The following PDGFD variants were observed in gnomAD, a reference collection of about 807,000 sequenced individuals.
The protein encoded by PDGFD is platelet-derived growth factor D.
PDGFD carries 30 observed loss-of-function variants against 44.7 expected under a neutral mutation model. The observed-to-expected ratio is 0.67, with a 90% CI of 0.50 to 0.91. PDGFD has a LOEUF of 0.91. Ranked by LOEUF, PDGFD falls within the 40% of genes least tolerant of loss-of-function variation. The pLI is 0.00. For synonymous variants in PDGFD, 173 were observed against 168.4 expected (o/e 1.03, Z -0.21); for missense variants, 445 against 457.8 (o/e 0.97, Z 0.25).
At chr11:103,926,807 G>C (rs1176516204) in intron 6 of PDGFD, 105 bp downstream of exon 6, 69 of 1,177,160 alleles carry the variant, frequency 5.9e-5, no homozygotes, top group Non-Finnish European at 7.2e-5. Context: ...AACCCTGGCT[G>C]GGTGCCCTTG....
At chr11:104,152,391 TATC>T (rs1374259395) in intron 1 of PDGFD, among the ~76,000 whole-genome samples, 1 of 152,166 alleles carries the variant, frequency 6.6e-6, no homozygotes, top group African/African-American at 2.4e-5. Context: ...ATTCTTATTT[TATC>T]ATCAGTAAAA....
chr11:104,089,898 T>A (rs1318320430), intron 1 of PDGFD, among the ~76,000 whole-genome samples: 1 of 152,182 alleles, frequency 6.6e-6, no homozygotes, highest in Non-Finnish European at 1.5e-5. Context: ...ATTCTATTGG[T>A]TGACCATTGC....
intron 3 of PDGFD, among the ~76,000 whole-genome samples, chr11:103,963,448 T>G (rs1858969018): frequency 6.6e-6 from 1 of 152,078 alleles, no homozygotes. Flanking sequence ...TCTTCTCGAG[T>G]TTTTTTCCCT....
intron 3 of PDGFD, among the ~76,000 whole-genome samples, chr11:103,994,955 C>T (rs1390837464): frequency 1.3e-5 from 2 of 150,864 alleles, no homozygotes; most frequent in Non-Finnish European, 2.9e-5. Flanking sequence ...TCATGGTTCA[C>T]TGTAGCTTCA....
intron 4 of PDGFD, among the ~76,000 whole-genome samples, chr11:103,947,018 T>C (rs1425455574): frequency 6.6e-6 from 1 of 152,240 alleles, no homozygotes; most frequent in Non-Finnish European, 1.5e-5. Flanking sequence ...TATTATCTTG[T>C]ATTTTATTGC....
At chr11:103,952,506 T>C (rs1225706215) in intron 3 of PDGFD, among the ~76,000 whole-genome samples, 1 of 152,190 alleles carries the variant, frequency 6.6e-6, no homozygotes, top group African/African-American at 2.4e-5. Context: ...GTAGGGAATC[T>C]AGCACTGTGA....
chr11:104,146,643 C>A (rs939219553), intron 1 of PDGFD, among the ~76,000 whole-genome samples: 2 of 152,124 alleles, frequency 1.3e-5, no homozygotes, highest in Non-Finnish European at 1.5e-5. Flanking sequence ...AGGGGCCAAT[C>A]AAGGGGATGG....
chr11:103,937,348 T>G (rs912836686), intron 5 of PDGFD, among the ~76,000 whole-genome samples: 2 of 152,178 alleles, frequency 1.3e-5, no homozygotes, highest in Non-Finnish European at 1.5e-5. Context: ...ACTATCATTC[T>G]AGAAAGTCAA....
At chr11:103,953,683 C>A (rs1858792998) in intron 3 of PDGFD, among the ~76,000 whole-genome samples, 1 of 152,106 alleles carries the variant, frequency 6.6e-6, no homozygotes, top group Non-Finnish European at 1.5e-5. Context: ...TTATTTATCT[C>A]ATAAAGAGGA....
intron 1 of PDGFD, among the ~76,000 whole-genome samples, chr11:104,044,778 C>T (rs1033553000): frequency 6.6e-6 from 1 of 152,116 alleles, no homozygotes; most frequent in Non-Finnish European, 1.5e-5. Context: ...GTGGCTCACC[C>T]CTGTAATCCC....
chr11:103,910,622 C>A (rs4755001), intron 6 of PDGFD, among the ~76,000 whole-genome samples: 69,667 of 152,084 alleles, frequency 0.46, 16,069 homozygotes, highest in South Asian at 0.49. Context: ...GAGATTTCCC[C>A]CAGTGCCTAT....
chr11:103,950,571 A>AAATAAATAAATAAATAAAT (rs1858738945), intron 3 of PDGFD, among the ~76,000 whole-genome samples: 1 of 146,184 alleles, frequency 6.8e-6, no homozygotes, highest in Non-Finnish European at 1.5e-5. Context: ...CTCAAAAGAA[A>AAATAAATAAATAAATAAAT]AAATAAATAA....
chr11:103,951,693 C>T (rs897353803), intron 3 of PDGFD, among the ~76,000 whole-genome samples: 3 of 152,166 alleles, frequency 2.0e-5, no homozygotes, highest in Non-Finnish European at 4.4e-5. Flanking sequence ...TGCCTGGATG[C>T]ACTTTCCCCA....
chr11:104,088,610 G>A (rs1565331347), intron 1 of PDGFD, among the ~76,000 whole-genome samples: 1 of 152,118 alleles, frequency 6.6e-6, no homozygotes, highest in Non-Finnish European at 1.5e-5. Flanking sequence ...TTACAACTTG[G>A]GAGGAACTTT....
At chr11:104,049,515 A>G (rs1591138882) in intron 1 of PDGFD, among the ~76,000 whole-genome samples, 1 of 152,098 alleles carries the variant, frequency 6.6e-6, no homozygotes, top group Non-Finnish European at 1.5e-5. Flanking sequence ...AAGCAAAGGA[A>G]AGACATTTGA....
At chr11:104,002,996 C>CT (rs1859643185) in intron 1 of PDGFD, among the ~76,000 whole-genome samples, 1 of 152,082 alleles carries the variant, frequency 6.6e-6, no homozygotes, top group African/African-American at 2.4e-5. Flanking sequence ...TCTCTTTGGT[C>CT]TTTTTCATGG....
chr11:104,003,213 T>C (rs1859646503), intron 1 of PDGFD, among the ~76,000 whole-genome samples: 1 of 152,226 alleles, frequency 6.6e-6, no homozygotes, highest in Non-Finnish European at 1.5e-5. Context: ...CAAGGGCTAA[T>C]GTGGAGAATG....
At chr11:104,012,392 AG>A (rs1264797236) in intron 1 of PDGFD, among the ~76,000 whole-genome samples, 5 of 152,334 alleles carry the variant, frequency 3.3e-5, no homozygotes, top group African/African-American at 1.2e-4. Context: ...AGATAATAAA[AG>A]ACATTATACT....
chr11:103,916,308 A>AT (rs1433614877), intron 6 of PDGFD, among the ~76,000 whole-genome samples: 1 of 140,002 alleles, frequency 7.1e-6, no homozygotes. Context: ...AAAAGAAGAC[A>AT]TTTATGCAGC....
Sources: allele counts gnomAD v4.1 joint callset (sites outside exome capture counted in the v4.1 genomes callset), GRCh38; gene constraint gnomAD v4.1.1; transcripts MANE v1.5; gene names NCBI Gene and HGNC (gene_info 2026-07-23, HGNC 2026-07-21).